Variants in NAALADL2 observed in about 807,000 individuals in gnomAD.
NAALADL2 encodes N-acetylated alpha-linked acidic dipeptidase like 2, also known as inactive N-acetylated-alpha-linked acidic dipeptidase-like protein 2.
Under a neutral mutation model 87.2 loss-of-function variants are expected in NAALADL2, and 76 were observed. The ratio of observed to expected loss-of-function variants is 0.87; its 90% CI spans 0.72 to 1.05. The LOEUF (loss-of-function observed/expected upper bound fraction) is 1.05. NAALADL2 is among the 50% of genes least tolerant of loss of function. NAALADL2 has a pLI of 0.00. For synonymous variants in NAALADL2, 354 were observed against 331.0 expected, an observed-to-expected ratio of 1.07 and a Z score of -0.75; for missense variants, 1,089 against 945.8, an observed-to-expected ratio of 1.15 and a Z score of -1.99.
chr3:174,936,305 T>C (rs1737674599), intron 1 of NAALADL2, among the ~76,000 whole-genome samples: 1 of 152,122 alleles, frequency 6.6e-6, no homozygotes, highest in African/African-American at 2.4e-5. Context: ...ATTTACTTTG[T>C]ACTCTACATG....
At chr3:175,613,353 C>T (rs546284019) in intron 10 of NAALADL2, among the ~76,000 whole-genome samples, 7 of 152,154 alleles carry the variant, frequency 4.6e-5, no homozygotes, top group Non-Finnish European at 1.0e-4. Flanking sequence ...TATGTTCTGT[C>T]TTAAAAATTG....
chr3:175,133,898 G>A lies in NAALADL2; in HGVS notation c.545+36607G>A, dbSNP rs553228425. Among the ~76,000 whole-genome samples the A allele has an allele frequency of 5.9e-5, 9 of 152,296 alleles. 1 individual carries two copies. Among genetic ancestry groups the A allele is most frequent in the African/African-American group, 2.2e-4 (9 of 41,572 alleles). On this transcript the variant is annotated intron_variant, in intron 2 of 13. Transcript: ENST00000454872. ...TTGAATGTTTTTACTCTGAGGTGAT[G>A]TAACTGAACATAAGAAAGATTAAAA...
At chr3:175,575,984 T>C (rs1377932839) in intron 9 of NAALADL2, 57 bp from the exon 10 acceptor site, 2 of 1,429,578 alleles carry the variant, frequency 1.4e-6, no homozygotes, top group East Asian at 4.8e-5. Context: ...GTAGCACTGA[T>C]CTAGGGATGA....
intron 9 of NAALADL2, among the ~76,000 whole-genome samples, chr3:175,519,990 T>A (rs1219933553): frequency 6.6e-6 from 1 of 152,204 alleles, no homozygotes; most frequent in East Asian, 1.9e-4. Context: ...ATGAATAAGA[T>A]GTAATTGAAG....
intron 9 of NAALADL2, among the ~76,000 whole-genome samples, chr3:175,511,786 T>C (rs535030089): frequency 6.6e-6 from 1 of 152,342 alleles, no homozygotes; most frequent in African/African-American, 2.4e-5. Flanking sequence ...TTTGCGCTTC[T>C]GCATTAAATG....
chr3:175,448,540 C>G (rs1461688696), intron 6 of NAALADL2, among the ~76,000 whole-genome samples: 2 of 152,194 alleles, frequency 1.3e-5, no homozygotes, highest in African/African-American at 4.8e-5. Flanking sequence ...CCTCAAGGAG[C>G]TGACAGTCTC....
intron 11 of NAALADL2, among the ~76,000 whole-genome samples, chr3:175,725,563 C>T (rs778300030): frequency 3.3e-5 from 5 of 151,992 alleles, no homozygotes; most frequent in Non-Finnish European, 7.4e-5. Context: ...TCCTTAGAAT[C>T]GTTATGTTCA....
intron 4 of NAALADL2, among the ~76,000 whole-genome samples, chr3:175,267,392 T>C (rs1229815464): frequency 1.3e-5 from 2 of 152,012 alleles, no homozygotes; most frequent in African/African-American, 4.8e-5. Flanking sequence ...AATTAAGTAA[T>C]TTATTTTTTT....
intron 12 of NAALADL2, among the ~76,000 whole-genome samples, chr3:175,738,445 C>G (rs1371477544): frequency 6.6e-6 from 1 of 152,150 alleles, no homozygotes; most frequent in Non-Finnish European, 1.5e-5. Flanking sequence ...TGGGGTTTCA[C>G]CGTGTTGTCC....
At chr3:175,761,518 A>C (rs1349044824) in intron 13 of NAALADL2, among the ~76,000 whole-genome samples, 1 of 150,600 alleles carries the variant, frequency 6.6e-6, no homozygotes, top group Non-Finnish European at 1.5e-5. Context: ...GCAGATACCA[A>C]AGTGTGCAAT....
At chr3:174,997,374 AAG>A (rs1208532638) in intron 1 of NAALADL2, among the ~76,000 whole-genome samples, 10 of 152,156 alleles carry the variant, frequency 6.6e-5, no homozygotes, top group African/African-American at 2.4e-4. Context: ...CTTCATTATT[AAG>A]AGAGTTCATT....
chr3:174,826,859 A>G (rs964331144), intron 3 of NAALADL2, among the ~76,000 whole-genome samples: 20 of 152,178 alleles, frequency 1.3e-4, no homozygotes, highest in African/African-American at 3.6e-4. Context: ...ACTTCTACCT[A>G]TTGTTAGAAT....
At chr3:175,007,631 A>G (rs1380813596) in intron 1 of NAALADL2, among the ~76,000 whole-genome samples, 1 of 152,148 alleles carries the variant, frequency 6.6e-6, no homozygotes, top group Non-Finnish European at 1.5e-5. Context: ...GAAGTAGCGT[A>G]TGTCCTGCTT....
intron 1 of NAALADL2, among the ~76,000 whole-genome samples, chr3:174,877,651 T>C (rs1314504906): frequency 6.6e-6 from 1 of 152,130 alleles, no homozygotes; most frequent in African/African-American, 2.4e-5. Flanking sequence ...GTTATAACTG[T>C]TAAGTGTCTA....
intron 5 of NAALADL2, chr3:175,397,300 C>G (rs74973865): frequency 1.3e-5 from 2 of 152,120 alleles, no homozygotes; most frequent in African/African-American, 2.4e-5. Flanking sequence ...CCATGCTAAT[C>G]TTCTCTGTAT....
rs1305620697 is a variant in NAALADL2 at position 175,416,336 on chromosome 3, A to G, written c.1091-30893A>G. Among the ~76,000 whole-genome samples, 7 of 152,306 alleles carry G rather than the reference A, an allele frequency of 4.6e-5. No individual in the cohort carries two copies. In the East Asian group the frequency reaches 1.3e-3, roughly 29 times the overall value. On this transcript the variant is annotated intron_variant, in intron 5 of 13. Transcript: ENST00000454872. ...TAAAATAGTACAGAGTTATTTTTAT[A>G]AAGGTAAGCACTAGTTTTTTAATTG...
intron 1 of NAALADL2, among the ~76,000 whole-genome samples, chr3:175,066,602 GGT>G (rs1559981595): frequency 6.6e-6 from 1 of 152,150 alleles, no homozygotes; most frequent in East Asian, 1.9e-4. Context: ...CTTATGGTGA[GGT>G]GGGATTGTTT....
chr3:174,734,663 T>C (rs1000149280), intron 2 of NAALADL2, among the ~76,000 whole-genome samples: 27 of 152,196 alleles, frequency 1.8e-4, no homozygotes, highest in African/African-American at 6.5e-4. Flanking sequence ...ATTTAATTCA[T>C]GTATTAGCCT....
rs540424338 is a variant in NAALADL2 at position 175,020,990 on chromosome 3, A to C, written c.44-75800A>C. ...CTGAGGAGGAGAGACTGTCATTTTC[A>C]GAATGCTGACTACAGAACATAAAAC... is the stretch of plus-strand genomic sequence containing the variant. On this transcript the variant is annotated intron_variant, in intron 1 of 13. Coordinates refer to ENST00000454872, the MANE Select transcript of NAALADL2 (RefSeq NM_207015.3). 5.7e-4 allele frequency among the ~76,000 whole-genome samples: 87 copies of C among 152,218 alleles called. 1 individual carries two copies. Among genetic ancestry groups the C allele is most frequent in the African/African-American group, 1.8e-3 (76 of 41,572 alleles).
Sources: gnomAD v4.1 joint callset for allele counts (sites outside exome capture counted in the v4.1 genomes callset) on GRCh38, gnomAD v4.1.1 for gene constraint, MANE v1.5 for transcripts, NCBI Gene and HGNC (gene_info 2026-07-23, HGNC 2026-07-21) for gene names.